The following ZNF417 variants were observed in gnomAD, a reference collection of about 807,000 sequenced individuals.
ZNF417 encodes the protein zinc finger protein 417.
A neutral mutation model predicts 7.4 loss-of-function variants in ZNF417; 5 were observed. The ratio of observed to expected loss-of-function variants is 0.68; its 90% CI spans 0.35 to 1.43. The LOEUF (loss-of-function observed/expected upper bound fraction) is 1.43. Among genes scored for constraint, ZNF417 ranks in the 40% most tolerant of loss-of-function variants. The pLI, the probability that ZNF417 is intolerant of heterozygous loss-of-function variation, is 0.04. For synonymous variants in ZNF417, 147 were observed against 239.1 expected, an observed-to-expected ratio of 0.61 and a Z score of 3.55; for missense variants, 437 against 697.3, an observed-to-expected ratio of 0.63 and a Z score of 4.20.
rs150518835 is a variant in ZNF417, at chr19:57,909,048, G to A, written c.1230C>T (p.Cys410=). The change falls in exon 3 of 3, where the codon TGC becomes TGT. Residue 410 remains cysteine, a synonymous_variant. Coordinates refer to ENST00000312026, the MANE Select transcript of ZNF417 (RefSeq NM_152475.3). ...ACCTAAATGATTTCCCACATTCCTT[G>A]CACTCATAGGGCCTTTCTCCAGTAT... The part of the protein sequence containing the change: ...RGHTGERPYE[C]KECGKSFRYR... 33,623 of 1,613,928 alleles carry A rather than the reference G, an allele frequency of 0.021. 443 individuals carry two copies. Among genetic ancestry groups the A allele is most frequent in the Non-Finnish European group, 0.026 (30,505 of 1,179,980 alleles).
chr19:57,909,365 A>C lies in ZNF417; in HGVS notation c.913T>G (p.Phe305Val), dbSNP rs1169501599. Reference sequence around the variant, plus strand: ...CTAATAAGGCTGCCCTTCTGACTAAAAGATTTCCCGCACTCCTCACAGGGA... The same window carrying C: ...CTAATAAGGCTGCCCTTCTGACTAACAGATTTCCCGCACTCCTCACAGGGA... Reference protein sequence around the residue: ...AYPCEECGKSFSQKGSLISHQ... With the variant: ...AYPCEECGKSVSQKGSLISHQ... Residue 305 changes from phenylalanine to valine, a missense_variant, in exon 3 of 3, where the codon TTT becomes GTT. This residue lies in a region of ZNF417 where 34 missense variants were observed against 33.3 expected (regional missense o/e 1.02). Transcript: ENST00000312026. 6.2e-7 allele frequency: 1 copy of C among 1,614,048 alleles called. No homozygotes were observed. Among genetic ancestry groups the C allele is most frequent in the South Asian group, 1.1e-5 (1 of 91,088 alleles).
At chr19:57,913,285 G>C (rs1295959302) in intron 1 of ZNF417, among the ~76,000 whole-genome samples, 1 of 152,174 alleles carries the variant, frequency 6.6e-6, no homozygotes, top group Non-Finnish European at 1.5e-5. Context: ...GAATTTCCAT[G>C]GTTTACAATA....
rs184806481 is a variant in ZNF417 at position 57,912,179 on chromosome 19, A to G, written c.44T>C (p.Val15Ala). 8 of 1,611,742 alleles carry G rather than the reference A, an allele frequency of 5.0e-6. No homozygotes were observed. The highest frequency in any genetic ancestry group is 3.3e-4 in the Middle Eastern group (2 of 6,040). Residue 15 changes from valine to alanine, a missense_variant, in exon 2 of 3, where the codon GTG becomes GCG. Physicochemically the swap from Val to Ala is moderately conservative, Grantham distance 64. Around this residue, in one of 5 missense-constraint regions of ZNF417, gnomAD observed 57 missense variants for 70.7 expected, o/e 0.81. Coordinates refer to ENST00000312026, the MANE Select transcript of ZNF417 (RefSeq NM_152475.3). The stretch of plus-strand genomic sequence containing the variant: ...GTTCACAGCCACATCTTCAAAGGTC[A>G]CAGTGCCCTGCTATGATAGTGACAG... ...APRRPTQQGTVTFEDVAVNFS... is the reference protein window; with the variant it reads ...APRRPTQQGTATFEDVAVNFS...
Position 57,915,619 on chromosome 19 carries a change from T to C in ZNF417, c.33+760A>G, listed in dbSNP as rs111697582. 1,000 of 361,348 alleles carry C rather than the reference T, an allele frequency of 2.8e-3. 7 individuals are homozygous for C. Among genetic ancestry groups the C allele is most frequent in the African/African-American group, 0.018 (864 of 47,308 alleles). The allele number at this position is 361,348 out of a possible 1,614,324, so 22.4% of individuals were successfully genotyped here. A position where few individuals can be genotyped will look rare whatever the true frequency, so the allele number is the denominator to read the frequency against. ...TCAGCTGTCCTTGTTCATTCCTGGGTATAGGCTGAATTAACTTAGGGAAGG... is the reference window on the plus strand; with the variant it reads ...TCAGCTGTCCTTGTTCATTCCTGGGCATAGGCTGAATTAACTTAGGGAAGG... On this transcript the variant is annotated intron_variant, in intron 1 of 2. Transcript: ENST00000312026.
Position 57,909,437 on chromosome 19 carries a change from T to C in ZNF417, c.841A>G (p.Ser281Gly). 2 of 1,613,966 alleles carry C rather than the reference T, an allele frequency of 1.2e-6. No individual in the cohort carries two copies. The highest frequency in any genetic ancestry group is 1.7e-6 in the Non-Finnish European group (2 of 1,179,906). Residue 281 changes from serine (S) to glycine (G), a missense_variant, in exon 3 of 3, where the codon AGC becomes GGC. Transcript: ENST00000312026. The part of the protein sequence containing the change: ...GECGKSYSRK[S>G]SLIQHQRVHT... The stretch of plus-strand genomic sequence containing the variant: ...ACTCGCTGATGTTGAATAAGGCTGC[T>C]CTTTCGACTATAAGATTTCCCACAC...
At chr19:57,912,860 C>T (rs2122535153) in intron 1 of ZNF417, among the ~76,000 whole-genome samples, 1 of 152,148 alleles carries the variant, frequency 6.6e-6, no homozygotes, top group Admixed American at 6.5e-5. Flanking sequence ...AGTGATCCAT[C>T]CGCCTTGGCC....
In ZNF417 at chr19:57,908,187, G is replaced by A. The variant is rs1363115714; in HGVS notation, c.*363C>T. ...GCAATCTATACGTATTGTCACTTGGGGACACTTATGATTCCACATGAAGTG... is the reference window on the plus strand; with the variant it reads ...GCAATCTATACGTATTGTCACTTGGAGACACTTATGATTCCACATGAAGTG... On this transcript the variant is annotated 3_prime_UTR_variant, in exon 3 of 3. Coordinates refer to ENST00000312026, the MANE Select transcript of ZNF417 (RefSeq NM_152475.3). 3 of 309,552 alleles carry A rather than the reference G, an allele frequency of 9.7e-6. No individual in the cohort carries two copies. Among genetic ancestry groups the A allele is most frequent in the Non-Finnish European group, 1.8e-5 (3 of 164,088 alleles). The allele number at this position is 309,552 out of a possible 1,614,324, so 19.2% of individuals were successfully genotyped here.
In ZNF417 at chr19:57,908,882, A is replaced by G. The variant is rs1426507479; in HGVS notation, c.1396T>C (p.Cys466Arg). The change falls in exon 3 of 3, where the codon TGT (cysteine) becomes CGT (arginine). Residue 466 changes from cysteine to arginine, a missense_variant. Around this residue, in one of 5 missense-constraint regions of ZNF417, gnomAD observed 233 missense variants for 235.5 expected, o/e 0.99. Transcript: ENST00000312026. ...RVHTGERPYACEVCGKLFGNK... is the reference protein window; with the variant it reads ...RVHTGERPYAREVCGKLFGNK... ...CCAAATAATTTCCCACATACCTCAC[A>G]CGCATATGGCCTTTCTCCAGTGTGA... The G allele has an allele frequency of 1.2e-6, 2 of 1,614,082 alleles. No individual in the cohort carries two copies. The highest frequency in any genetic ancestry group is 1.7e-6 in the Non-Finnish European group (2 of 1,180,050).
At position 57,907,697 on chromosome 19, in the gene ZNF417, G is replaced by C. The variant is rs1396508552; in HGVS notation, c.*853C>G. The C allele has an allele frequency of 1.9e-5, 3 of 154,880 alleles. No homozygotes were observed. The highest frequency in any genetic ancestry group is 2.0e-4 in the South Asian group (1 of 4,924). The allele number at this position is 154,880 out of a possible 1,614,324, so 9.6% of individuals were successfully genotyped here. The stretch of plus-strand genomic sequence containing the variant: ...CTGTGGCTACAGTGTCGACATTCAT[G>C]CAAGTGGGGAAATGGGCATGTGGCC... On this transcript the variant is annotated 3_prime_UTR_variant, in exon 3 of 3. Transcript: ENST00000312026.
chr19:57,911,642 G>A (rs915516057), intron 2 of ZNF417, among the ~76,000 whole-genome samples: 1 of 152,176 alleles, frequency 6.6e-6, no homozygotes, highest in Non-Finnish European at 1.5e-5. Context: ...CCTAAGCAGG[G>A]TCTTGCAAGA....
intron 2 of ZNF417, among the ~76,000 whole-genome samples, chr19:57,910,439 G>A (rs1467689645): frequency 8.6e-5 from 13 of 152,014 alleles, no homozygotes; most frequent in East Asian, 1.9e-4. Flanking sequence ...CCAGCCACTC[G>A]GGAGGCTGAG....
At position 57,912,060 on chromosome 19, in the gene ZNF417, C is replaced by T. The variant is rs773582808; in HGVS notation, c.163G>A (p.Gly55Ser). Residue 55 changes from glycine to serine, a missense_variant and splice_region_variant, in exon 2 of 3, where the codon GGT (glycine) becomes AGT (serine). Physicochemically the swap from Gly to Ser is moderately conservative, Grantham distance 56. Transcript: ENST00000312026. ...ACAAAGGTGAGCGTGAGCAACTTAC[C>T]CAGCGAGGATATGAGAGCCAGGTTC... is the stretch of plus-strand genomic sequence containing the variant. ...LENLALISSLGCWCGSKDEEA... is the reference protein window; with the variant it reads ...LENLALISSLSCWCGSKDEEA... 2.1e-5 allele frequency: 33 copies of T among 1,568,004 alleles called. No homozygotes were observed. Among genetic ancestry groups the T allele is most frequent in the Admixed American group, 3.8e-5 (2 of 52,932 alleles).
Position 57,906,268 on chromosome 19 carries a change from G to A in ZNF417, c.*2282C>T, listed in dbSNP as rs1298704624. Reference sequence around the variant, plus strand: ...CAAAGATCTTTCCAGTGAGAAGGATGAAAAATATTACTGAGAATGAAGTAT... The same window carrying A: ...CAAAGATCTTTCCAGTGAGAAGGATAAAAAATATTACTGAGAATGAAGTAT... On this transcript the variant is annotated 3_prime_UTR_variant, in exon 3 of 3. Transcript: ENST00000312026. 6.6e-6 allele frequency among the ~76,000 whole-genome samples: 1 copy of A among 151,990 alleles called. No individual in the cohort carries two copies. The highest frequency in any genetic ancestry group is 2.4e-5 in the African/African-American group (1 of 41,302).
chr19:57,915,420 C>T (rs1283139016), intron 1 of ZNF417: 22 of 397,930 alleles, frequency 5.5e-5, no homozygotes, highest in Non-Finnish European at 3.3e-5. Context: ...TCCATCCTCC[C>T]GGCTCCGTCC....
At chr19:57,915,730 C>T (rs2071941735) in intron 1 of ZNF417, 2 of 407,622 alleles carry the variant, frequency 4.9e-6, no homozygotes, top group East Asian at 3.6e-5. Context: ...GAACAGCCTG[C>T]CTTTGCAGGA....
intron 1 of ZNF417, 115 bp downstream of exon 1, chr19:57,916,264 A>G (rs1437873836): frequency 1.3e-6 from 2 of 1,590,264 alleles, no homozygotes; most frequent in East Asian, 2.3e-5. Context: ...CGAGCGCCTC[A>G]GTGTTCCTAC....
At chr19:57,911,578 C>T (rs2071899692) in intron 2 of ZNF417, among the ~76,000 whole-genome samples, 1 of 152,152 alleles carries the variant, frequency 6.6e-6, no homozygotes, top group African/African-American at 2.4e-5. Context: ...TAGCTCAGGA[C>T]AACTAAGCAC....
intron 1 of ZNF417, 37 bp downstream of exon 1, chr19:57,916,342 T>A (rs1398656213): frequency 6.2e-7 from 1 of 1,614,112 alleles, no homozygotes; most frequent in Middle Eastern, 1.7e-4. Flanking sequence ...TGGGTGACGA[T>A]GGGGTGACCT....
At chr19:57,911,525 T>C (rs1600148820) in intron 2 of ZNF417, among the ~76,000 whole-genome samples, 1 of 152,040 alleles carries the variant, frequency 6.6e-6, no homozygotes, top group East Asian at 1.9e-4. Context: ...GACCCGACGA[T>C]GTAACTATGA....
Sources: allele counts gnomAD v4.1 joint callset (sites outside exome capture counted in the v4.1 genomes callset), GRCh38; gene constraint gnomAD v4.1.1; regional missense constraint gnomAD v4.1.1; transcripts MANE v1.5; gene names NCBI Gene and HGNC (gene_info 2026-07-23, HGNC 2026-07-21).